RUSC2: variants seen among roughly 807,000 people sequenced by gnomAD.
RUSC2 encodes the protein AP-4 complex accessory subunit RUSC2.
Under a neutral mutation model 122.2 loss-of-function variants are expected in RUSC2, and 34 were observed. That is an observed-to-expected ratio of 0.28 (90% CI 0.21 to 0.37). RUSC2 has a LOEUF of 0.37. Ranked by LOEUF, RUSC2 falls within the 10% of genes least tolerant of loss-of-function variation. The pLI, the probability that RUSC2 is intolerant of heterozygous loss-of-function variation, is 1.00. For synonymous variants in RUSC2, 784 were observed against 790.0 expected (o/e 0.99, Z 0.13); for missense variants, 1,747 against 1,952.4 (o/e 0.89, Z 1.98).
chr9:35,560,672 G>T lies in RUSC2; in HGVS notation c.4032G>T (p.Trp1344Cys). Residue 1344 changes from tryptophan (W) to cysteine (C), a missense_variant, in exon 10 of 12, where the codon TGG (tryptophan) becomes TGT (cysteine). Trp to Cys is a radical substitution (Grantham distance 215). Transcript: ENST00000361226. ...GCCGGGAAAGGGGCTGGCCCTTCTG[G>T]ATGGGGAGCCCCCCTGACTCTGTGC... ...ALGRERGWPF[W>C]MGSPPDSVLA... The T allele has an allele frequency of 6.3e-7, 1 of 1,578,658 alleles. No homozygotes were observed. The highest frequency in any genetic ancestry group is 8.6e-7 in the Non-Finnish European group (1 of 1,161,330).
At position 35,557,597 on chromosome 9, in the gene RUSC2, C is replaced by T. The variant is rs781014700; in HGVS notation, c.2984-317C>T. 5.3e-5 allele frequency among the ~76,000 whole-genome samples: 8 copies of T among 152,102 alleles called. No homozygotes were observed. Among genetic ancestry groups the T allele is most frequent in the African/African-American group, 1.7e-4 (7 of 41,408 alleles). On this transcript the variant is annotated intron_variant, in intron 5 of 11. Coordinates refer to ENST00000361226, the MANE Select transcript of RUSC2 (RefSeq NM_014806.5). The surrounding 1 kb of genome is among the most constrained non-coding windows in gnomAD (Gnocchi z 4.6). The stretch of plus-strand genomic sequence containing the variant: ...TTGGGTTTTCTTCAGGTCAGTGGCC[C>T]GGTTTCTCAGAGTGGAGAAAACCGA...
rs1164243304 is a variant in RUSC2, at chr9:35,558,783, TA to T, written c.3341+218del. 6.6e-6 allele frequency among the ~76,000 whole-genome samples: 1 copy of T among 152,250 alleles called. No homozygotes were observed. Among genetic ancestry groups the T allele is most frequent in the East Asian group, 1.9e-4 (1 of 5,204 alleles). ...AACGTGGTCTGCTTTTACAAATCTG[TA>T]ATCTGGCTTATTTGGAAATTAGTTG... On this transcript the variant is annotated intron_variant, in intron 8 of 11. Transcript: ENST00000361226. This position sits in a 1 kb window ranked among gnomAD's most constrained non-coding sequence, Gnocchi z 4.3.
chr9:35,539,253 G>A (rs1375106880), intron 1 of RUSC2: 3 of 152,686 alleles, frequency 2.0e-5, no homozygotes, highest in Admixed American at 1.3e-4. Flanking sequence ...GGGGGAACAT[G>A]CGGAAGCACA....
chr9:35,528,967 C>G (rs1191638513), intron 1 of RUSC2, among the ~76,000 whole-genome samples: 1 of 151,838 alleles, frequency 6.6e-6, no homozygotes, highest in African/African-American at 2.4e-5. Context: ...AAAAAGAAAA[C>G]AAAAAATAAA....
At chr9:35,524,543 C>A (rs1821283515) in intron 1 of RUSC2, among the ~76,000 whole-genome samples, 1 of 152,188 alleles carries the variant, frequency 6.6e-6, no homozygotes, top group African/African-American at 2.4e-5. Context: ...AAATTAGCAT[C>A]ATCAATAAAG....
intron 1 of RUSC2, among the ~76,000 whole-genome samples, chr9:35,509,187 T>C (rs1432447912): frequency 6.6e-6 from 1 of 152,112 alleles, no homozygotes; most frequent in Admixed American, 6.6e-5. Context: ...ATTAGCCAAG[T>C]GTGATGGTGC....
Position 35,554,892 on chromosome 9 carries a change from G to A in RUSC2, c.2015-168G>A, listed in dbSNP as rs79074398. 9.5e-3 allele frequency among the ~76,000 whole-genome samples: 1,439 copies of A among 152,208 alleles called. 22 individuals are homozygous for A. The highest frequency in any genetic ancestry group is 0.033 in the African/African-American group (1,351 of 41,504). ...CAGCACCATAAAAGCAATAGGAAGC[G>A]TTTTACAAAAGAGGGGAGCAGTGTC... On this transcript the variant is annotated intron_variant, in intron 2 of 11. Coordinates refer to ENST00000361226, the MANE Select transcript of RUSC2 (RefSeq NM_014806.5).
chr9:35,499,599 T>G (rs1312478661), intron 1 of RUSC2, among the ~76,000 whole-genome samples: 1 of 152,220 alleles, frequency 6.6e-6, no homozygotes, highest in African/African-American at 2.4e-5. Flanking sequence ...GGCTAAAGTT[T>G]AATTATCTTA....
intron 1 of RUSC2, among the ~76,000 whole-genome samples, chr9:35,532,977 G>A (rs1052111163): frequency 3.3e-5 from 5 of 152,084 alleles, no homozygotes; most frequent in Non-Finnish European, 7.4e-5. Context: ...TGGGTGTGGT[G>A]GCTCACGCCT....
chr9:35,556,253 G>C (rs870978), intron 4 of RUSC2, 55 bp from the exon 5 acceptor site: 1,053,318 of 1,604,762 alleles, frequency 0.66, 350,043 homozygotes, highest in Admixed American at 0.74. Flanking sequence ...CACTGAACTG[G>C]CCTGGAACTC....
chr9:35,492,423 G>A (rs114715689), intron 1 of RUSC2, among the ~76,000 whole-genome samples: 3 of 151,814 alleles, frequency 2.0e-5, no homozygotes, highest in African/African-American at 4.8e-5. Flanking sequence ...GTAAGGGCAG[G>A]CTATCTAGAA....
chr9:35,535,673 G>A (rs886068077), intron 1 of RUSC2, among the ~76,000 whole-genome samples: 1 of 151,558 alleles, frequency 6.6e-6, no homozygotes, highest in Non-Finnish European at 1.5e-5. Context: ...TGAGTAGCTG[G>A]GACTCCAGGC....
In RUSC2 at chr9:35,558,771, T is replaced by A. The variant is rs1822079740; in HGVS notation, c.3341+204T>A. Reference sequence around the variant, plus strand: ...TCACTGGTCACCAACGTGGTCTGCTTTTACAAATCTGTAATCTGGCTTATT... The same window carrying A: ...TCACTGGTCACCAACGTGGTCTGCTATTACAAATCTGTAATCTGGCTTATT... On this transcript the variant is annotated intron_variant, in intron 8 of 11. Transcript: ENST00000361226. This position sits in a 1 kb window ranked among gnomAD's most constrained non-coding sequence, Gnocchi z 4.3. 6.6e-6 allele frequency among the ~76,000 whole-genome samples: 1 copy of A among 152,256 alleles called. No homozygotes were observed. Among genetic ancestry groups the A allele is most frequent in the African/African-American group, 2.4e-5 (1 of 41,468 alleles).
In RUSC2 at chr9:35,548,730, T is replaced by C. The variant is rs1455617823; in HGVS notation, c.2014+195T>C. The C allele has an allele frequency of 1.0e-6, 1 of 985,042 alleles. No homozygotes were observed. The highest frequency in any genetic ancestry group is 1.2e-6 in the Non-Finnish European group (1 of 829,886). 61.0% of individuals were successfully genotyped at this position (985,042 alleles called of 1,614,324 possible). A position where few individuals can be genotyped will look rare whatever the true frequency, so the allele number is the denominator to read the frequency against. ...GGCTCACTGGAGAAAGACAGAGGAC[T>C]CAAAAATACACTGAGCAGACTGGGT... On this transcript the variant is annotated intron_variant, in intron 2 of 11. Coordinates refer to ENST00000361226, the MANE Select transcript of RUSC2 (RefSeq NM_014806.5). This position sits in a 1 kb window ranked among gnomAD's most constrained non-coding sequence, Gnocchi z 4.5.
chr9:35,551,983 G>C (rs1821908820), intron 2 of RUSC2, among the ~76,000 whole-genome samples: 1 of 152,150 alleles, frequency 6.6e-6, no homozygotes, highest in South Asian at 2.1e-4. Flanking sequence ...AGGATCGCCT[G>C]AGCCCAGGAG....
chr9:35,542,952 A>G (rs1261954744), intron 1 of RUSC2, among the ~76,000 whole-genome samples: 1 of 152,188 alleles, frequency 6.6e-6, no homozygotes, highest in African/African-American at 2.4e-5. Context: ...AAATGCTTTA[A>G]AAAGGAAGAA....
At chr9:35,529,841 T>G (rs899679873) in intron 1 of RUSC2, among the ~76,000 whole-genome samples, 7 of 152,206 alleles carry the variant, frequency 4.6e-5, no homozygotes, top group Non-Finnish European at 7.3e-5. Context: ...GTTTTTCTTC[T>G]TCCTTACCTT....
At chr9:35,512,897 T>C (rs1821033992) in intron 1 of RUSC2, among the ~76,000 whole-genome samples, 1 of 152,152 alleles carries the variant, frequency 6.6e-6, no homozygotes, top group Admixed American at 6.5e-5. Flanking sequence ...AAGTTTAACC[T>C]TATGAAATGG....
chr9:35,535,396 A>C (rs1821502536), intron 1 of RUSC2, among the ~76,000 whole-genome samples: 2 of 149,008 alleles, frequency 1.3e-5, no homozygotes, highest in South Asian at 4.2e-4. Flanking sequence ...GATTACAGGC[A>C]TTAGCCACCG....
Sources: gnomAD v4.1 joint callset for allele counts (sites outside exome capture counted in the v4.1 genomes callset) on GRCh38, gnomAD v4.1.1 for gene constraint, Gnocchi (gnomAD v3.1) non-coding constraint, MANE v1.5 for transcripts, NCBI Gene and HGNC (gene_info 2026-07-23, HGNC 2026-07-21) for gene names.